SCARB2: variants seen among roughly 807,000 people sequenced by gnomAD.
SCARB2 encodes scavenger receptor class B member 2, also known as lysosome membrane protein 2.
In SCARB2, 29 loss-of-function variants were observed where a neutral mutation model predicts 58.6. That is an observed-to-expected ratio of 0.49 (90% CI 0.37 to 0.67). The LOEUF (loss-of-function observed/expected upper bound fraction) is 0.67. SCARB2 is among the 30% of genes least tolerant of loss of function. The probability of loss-of-function intolerance (pLI) is 0.00; values close to 1 mark genes in which losing one functional copy is unlikely to be tolerated. For synonymous variants in SCARB2, 195 were observed against 210.1 expected (o/e 0.93, Z 0.62); for missense variants, 488 against 578.5 (o/e 0.84, Z 1.60).
intron 2 of SCARB2, among the ~76,000 whole-genome samples, chr4:76,186,794 T>C (rs943685831): frequency 3.3e-5 from 5 of 152,094 alleles, no homozygotes; most frequent in Non-Finnish European, 7.3e-5. Context: ...TGAGAGATCT[T>C]TTTCTATTTT....
intron 1 of SCARB2, among the ~76,000 whole-genome samples, chr4:76,232,539 C>T (rs939301779): frequency 9.2e-5 from 14 of 152,288 alleles, no homozygotes; most frequent in Non-Finnish European, 1.8e-4. Context: ...AATAAGTTAA[C>T]ATAACAACCT....
intron 2 of SCARB2, among the ~76,000 whole-genome samples, chr4:76,186,827 G>A (rs1274042802): frequency 6.6e-6 from 1 of 151,884 alleles, no homozygotes; most frequent in Non-Finnish European, 1.5e-5. Context: ...AGCAGTTTAA[G>A]GATTTTTTTT....
intron 6 of SCARB2, chr4:76,175,454 A>G (rs1339772739): frequency 2.8e-6 from 1 of 351,202 alleles, no homozygotes; most frequent in African/African-American, 2.1e-5. Context: ...TAAGTATTTG[A>G]CTAATACTAA....
intron 7 of SCARB2, chr4:76,173,807 G>A (rs1241291400): frequency 3.1e-6 from 1 of 324,464 alleles, no homozygotes; most frequent in Non-Finnish European, 5.9e-6. Context: ...AACACAACAT[G>A]GCATTCTAGA....
chr4:76,198,086 C>T (rs979042871), intron 1 of SCARB2, among the ~76,000 whole-genome samples: 2 of 152,106 alleles, frequency 1.3e-5, no homozygotes, highest in African/African-American at 4.8e-5. Context: ...CAGGAGCAGC[C>T]GCCCCCACTC....
chr4:76,209,360 TTTTTTA>T (rs1024243081), intron 1 of SCARB2, among the ~76,000 whole-genome samples: 1 of 152,144 alleles, frequency 6.6e-6, no homozygotes, highest in Non-Finnish European at 1.5e-5. Flanking sequence ...TTTTACTTCT[TTTTTTA>T]TTTTTATTTT....
At chr4:76,206,598 T>C (rs759939781) in intron 1 of SCARB2, among the ~76,000 whole-genome samples, 9 of 151,936 alleles carry the variant, frequency 5.9e-5, no homozygotes, top group Non-Finnish European at 1.0e-4. Flanking sequence ...AAGTAACACT[T>C]ACTGACCATC....
chr4:76,198,331 C>G (rs1732756208), intron 1 of SCARB2, among the ~76,000 whole-genome samples: 1 of 152,192 alleles, frequency 6.6e-6, no homozygotes, highest in African/African-American at 2.4e-5. Context: ...TCTTGCTGGG[C>G]TGGCATCCAG....
At chr4:76,213,941 T>TGCG (rs977205704), upstream of SCARB2, 12 of 168,674 alleles carry the variant, frequency 7.1e-5, no homozygotes, top group Admixed American at 3.9e-4. Flanking sequence ...TCATGTGCCC[T>TGCG]GCGGCGGCGG....
At chr4:76,176,188 C>A (rs938093013) in intron 5 of SCARB2, 2 of 601,792 alleles carry the variant, frequency 3.3e-6, no homozygotes, top group East Asian at 2.8e-5. Context: ...GACTACTAAG[C>A]AAGAGTGGGA....
At chr4:76,222,116 A>C (rs2109980350) in intron 1 of SCARB2, among the ~76,000 whole-genome samples, 1 of 152,356 alleles carries the variant, frequency 6.6e-6, no homozygotes, top group East Asian at 1.9e-4. Flanking sequence ...CCAATCCTTT[A>C]TCTGAAGAAA....
At chr4:76,227,553 G>T (rs975407672) in intron 1 of SCARB2, among the ~76,000 whole-genome samples, 3 of 152,096 alleles carry the variant, frequency 2.0e-5, no homozygotes, top group Non-Finnish European at 4.4e-5. Context: ...TCTATCTGGG[G>T]TATAGTTTCA....
chr4:76,231,165 T>C (rs1414940814), intron 1 of SCARB2, among the ~76,000 whole-genome samples: 1 of 152,260 alleles, frequency 6.6e-6, no homozygotes, highest in African/African-American at 2.4e-5. Flanking sequence ...AGATGACTGA[T>C]AGCTATAGTT....
At chr4:76,210,010 G>C (rs1733008519) in intron 1 of SCARB2, among the ~76,000 whole-genome samples, 1 of 152,198 alleles carries the variant, frequency 6.6e-6, no homozygotes, top group Non-Finnish European at 1.5e-5. Context: ...GAACTGCATA[G>C]CTGCTCTTAA....
chr4:76,213,569 C>T lies in SCARB2; in HGVS notation c.-26G>A, dbSNP rs1217502003. On this transcript the variant is annotated 5_prime_UTR_variant, in exon 1 of 12. Coordinates refer to ENST00000264896, the MANE Select transcript of SCARB2 (RefSeq NM_005506.4). ...TCTGTGCGCCGCTCACGGGCCGGGC[C>T]GGGCCGCACCCGCCAGGGATCCAAC... is the stretch of plus-strand genomic sequence containing the variant. The T allele has an allele frequency of 1.3e-6, 2 of 1,578,418 alleles. No homozygotes were observed. Among genetic ancestry groups the T allele is most frequent in the South Asian group, 2.3e-5 (2 of 88,740 alleles).
At chr4:76,230,149 G>T (rs866015540) in intron 1 of SCARB2, among the ~76,000 whole-genome samples, 2 of 152,176 alleles carry the variant, frequency 1.3e-5, no homozygotes, top group African/African-American at 4.8e-5. Context: ...AAACCATGAG[G>T]TGGGTGCAGG....
intron 1 of SCARB2, among the ~76,000 whole-genome samples, chr4:76,201,441 TAAA>T (rs1732826688): frequency 6.6e-6 from 1 of 152,162 alleles, no homozygotes; most frequent in South Asian, 2.1e-4. Flanking sequence ...AGGGACACAA[TAAA>T]TAATTAATGA....
At chr4:76,223,994 A>C (rs1733352063) in intron 1 of SCARB2, among the ~76,000 whole-genome samples, 1 of 152,212 alleles carries the variant, frequency 6.6e-6, no homozygotes, top group Admixed American at 6.5e-5. Context: ...GAATGTAATT[A>C]AAAATAAAAT....
At chr4:76,181,392 CTCTCTCCTGGG>C (rs1732381684) in intron 2 of SCARB2, among the ~76,000 whole-genome samples, 1 of 152,176 alleles carries the variant, frequency 6.6e-6, no homozygotes, top group Non-Finnish European at 1.5e-5. Context: ...AGCCGATGAA[CTCTCTCCTGGG>C]TTATGGTTTG....
Sources: allele counts gnomAD v4.1 joint callset (sites outside exome capture counted in the v4.1 genomes callset), GRCh38; gene constraint gnomAD v4.1.1; transcripts MANE v1.5; gene names NCBI Gene and HGNC (gene_info 2026-07-23, HGNC 2026-07-21).